The following DPYD variants were observed in gnomAD, a reference collection of about 807,000 sequenced individuals.
DPYD encodes the protein dihydropyrimidine dehydrogenase [NADP(+)].
In DPYD, 109 loss-of-function variants were observed where a neutral mutation model predicts 116.2. The ratio of observed to expected loss-of-function variants is 0.94; its 90% confidence interval spans 0.80 to 1.10. DPYD has a LOEUF of 1.10. DPYD is among the 50% of genes least tolerant of loss of function. DPYD has a pLI of 0.00. For synonymous variants in DPYD, 440 were observed against 432.0 expected (o/e 1.02, Z -0.23); for missense variants, 1,302 against 1,254.5 (o/e 1.04, Z -0.57).
At chr1:97,459,969 C>T (rs879506701) in intron 13 of DPYD, among the ~76,000 whole-genome samples, 9 of 151,862 alleles carry the variant, frequency 5.9e-5, no homozygotes, top group South Asian at 2.1e-4. Context: ...AGTCACCTTT[C>T]GAGGGAGGAG....
chr1:97,554,681 G>A (rs1184543445), intron 11 of DPYD, among the ~76,000 whole-genome samples: 5 of 152,230 alleles, frequency 3.3e-5, no homozygotes, highest in South Asian at 2.1e-4. Flanking sequence ...CTGGGGTAAG[G>A]AAGGGCCAGA....
intron 18 of DPYD, among the ~76,000 whole-genome samples, chr1:97,257,850 A>G (rs895647171): frequency 6.6e-6 from 1 of 152,124 alleles, no homozygotes; most frequent in Non-Finnish European, 1.5e-5. Flanking sequence ...AGCTAAATGA[A>G]TATATAAATA....
chr1:97,398,497 T>C (rs1201314555), intron 14 of DPYD, among the ~76,000 whole-genome samples: 2 of 152,006 alleles, frequency 1.3e-5, no homozygotes, highest in Non-Finnish European at 2.9e-5. Flanking sequence ...GTATTTCTAG[T>C]TCTAGATCCC....
intron 21 of DPYD, among the ~76,000 whole-genome samples, chr1:97,089,163 A>T (rs1341961668): frequency 6.6e-6 from 1 of 152,192 alleles, no homozygotes; most frequent in Non-Finnish European, 1.5e-5. Flanking sequence ...TGAAAACATC[A>T]CTAGTGCCCC....
intron 2 of DPYD, among the ~76,000 whole-genome samples, chr1:97,880,622 T>C (rs890596158): frequency 6.6e-6 from 1 of 151,986 alleles, no homozygotes; most frequent in African/African-American, 2.4e-5. Flanking sequence ...AGATTACTAT[T>C]TTAACATAGA....
At chr1:97,173,382 A>ATACG (rs1179936385) in intron 20 of DPYD, among the ~76,000 whole-genome samples, 2 of 150,724 alleles carry the variant, frequency 1.3e-5, no homozygotes, top group African/African-American at 2.4e-5. Flanking sequence ...ATGTGTGTAT[A>ATACG]TACGTACATA....
chr1:97,239,143 C>A (rs1334627435), intron 18 of DPYD, among the ~76,000 whole-genome samples: 1 of 152,080 alleles, frequency 6.6e-6, no homozygotes, highest in African/African-American at 2.4e-5. Context: ...ATTTAAAATA[C>A]AAATCAGTGT....
intron 1 of DPYD, among the ~76,000 whole-genome samples, chr1:97,905,218 A>G (rs934808974): frequency 6.6e-5 from 10 of 152,164 alleles, no homozygotes; most frequent in East Asian, 1.9e-4. Flanking sequence ...CTCCTGTAGC[A>G]TAATTAATTC....
At chr1:97,730,531 C>A (rs897708752) in intron 4 of DPYD, among the ~76,000 whole-genome samples, 1 of 151,870 alleles carries the variant, frequency 6.6e-6, no homozygotes, top group African/African-American at 2.4e-5. Context: ...GCCTACTTAT[C>A]CTTTAATATT....
chr1:97,079,781 C>A (rs1401886568), intron 22 of DPYD, among the ~76,000 whole-genome samples: 1 of 152,030 alleles, frequency 6.6e-6, no homozygotes, highest in Non-Finnish European at 1.5e-5. Flanking sequence ...ACTATTGAGC[C>A]CAGATTACCA....
In DPYD at chr1:97,549,584, A is replaced by G. The variant is rs1241988763; in HGVS notation, c.1500T>C (p.Ser500=). 6.2e-7 allele frequency: 1 copy of G among 1,613,870 alleles called. No homozygotes were observed. Among genetic ancestry groups the G allele is most frequent in the Non-Finnish European group, 8.5e-7 (1 of 1,179,826 alleles). Residue 500 remains serine, a synonymous_variant, in exon 12 of 23, where the codon TCT becomes TCC. Transcript: ENST00000370192. ...VESVNDGKQA[S]WYIHKYVQSQ... The stretch of plus-strand genomic sequence containing the variant: ...CCTGTACGTATTTGTGAATGTACCA[A>G]GAAGCTTGCTTTCCATCATTCACCG...
chr1:97,283,110 G>A (rs71656179), intron 18 of DPYD, among the ~76,000 whole-genome samples: 2,280 of 151,984 alleles, frequency 0.015, 30 homozygotes, highest in South Asian at 0.024. Flanking sequence ...GTTTAATTTA[G>A]TACAATTGTT....
At chr1:97,151,240 T>G (rs548813282) in intron 20 of DPYD, among the ~76,000 whole-genome samples, 1 of 152,218 alleles carries the variant, frequency 6.6e-6, no homozygotes, top group East Asian at 1.9e-4. Flanking sequence ...AGAACATATA[T>G]AGAGATTATA....
chr1:97,522,769 C>A (rs1648779031), intron 12 of DPYD, among the ~76,000 whole-genome samples: 1 of 151,806 alleles, frequency 6.6e-6, no homozygotes, highest in Non-Finnish European at 1.5e-5. Flanking sequence ...GAAGGCAATT[C>A]TTTCCTCTGT....
chr1:97,447,483 C>T (rs1024119407), intron 14 of DPYD, among the ~76,000 whole-genome samples: 3 of 152,046 alleles, frequency 2.0e-5, no homozygotes, highest in South Asian at 2.1e-4. Flanking sequence ...GTATTTAAAA[C>T]GTTATCTTCG....
intron 16 of DPYD, among the ~76,000 whole-genome samples, chr1:97,362,411 C>G (rs183585068): frequency 2.0e-5 from 3 of 152,272 alleles, no homozygotes; most frequent in African/African-American, 7.2e-5. Flanking sequence ...CCATCCCCAT[C>G]AAGCTATCAA....
chr1:97,295,800 A>G, intron 18 of DPYD: 1 of 973,346 alleles, frequency 1.0e-6, no homozygotes, highest in Non-Finnish European at 1.2e-6. Context: ...AAGGAAAACC[A>G]AGGTATTGCT....
chr1:97,539,127 ATTG>A (rs1650232003), intron 12 of DPYD, among the ~76,000 whole-genome samples: 1 of 152,152 alleles, frequency 6.6e-6, no homozygotes, highest in African/African-American at 2.4e-5. Context: ...TGTTGTTTTT[ATTG>A]TTGTTGAAGG....
chr1:97,542,704 G>A (rs546675321), intron 12 of DPYD, among the ~76,000 whole-genome samples: 1 of 152,054 alleles, frequency 6.6e-6, no homozygotes, highest in South Asian at 2.1e-4. Context: ...TTCTTTACTA[G>A]ACAATAGGAT....
Sources: allele counts gnomAD v4.1 joint callset (sites outside exome capture counted in the v4.1 genomes callset), GRCh38; gene constraint gnomAD v4.1.1; transcripts MANE v1.5; gene names NCBI Gene and HGNC (gene_info 2026-07-23, HGNC 2026-07-21).